ZFHX3: variants seen among roughly 807,000 people sequenced by gnomAD.
ZFHX3 encodes the protein zinc finger homeobox protein 3.
A neutral mutation model predicts 279.1 loss-of-function variants in ZFHX3; 42 were observed. The observed-to-expected ratio is 0.15, with a 90% CI of 0.12 to 0.19. ZFHX3 has a LOEUF of 0.19. Ranked by LOEUF, ZFHX3 falls within the 10% of genes least tolerant of loss-of-function variation. The pLI, the probability that ZFHX3 is intolerant of heterozygous loss-of-function variation, is 1.00. For missense variants in ZFHX3, 4,981 were observed against 4,754.0 expected (o/e 1.05, Z -1.40); for synonymous variants, 2,293 against 1,957.8 (o/e 1.17, Z -4.52).
intron 2 of ZFHX3, among the ~76,000 whole-genome samples, chr16:73,530,357 C>A (rs2019776996): frequency 6.6e-6 from 1 of 152,104 alleles, no homozygotes; most frequent in African/African-American, 2.4e-5. Context: ...GGGGACACAG[C>A]CAAACAATAT....
intron 5 of ZFHX3, among the ~76,000 whole-genome samples, chr16:73,234,720 C>T (rs1244050284): frequency 2.0e-5 from 3 of 152,204 alleles, no homozygotes; most frequent in South Asian, 4.1e-4. Context: ...ATCTTCCTAA[C>T]TGTAAAAGAG....
intron 3 of ZFHX3, among the ~76,000 whole-genome samples, chr16:73,376,056 T>C (rs775840912): frequency 6.6e-6 from 1 of 152,230 alleles, no homozygotes; most frequent in Non-Finnish European, 1.5e-5. Flanking sequence ...TTCAGAGAAG[T>C]CTATCTCCTT....
intron 1 of ZFHX3, among the ~76,000 whole-genome samples, chr16:73,865,084 A>G (rs1961977032): frequency 6.6e-6 from 1 of 152,220 alleles, no homozygotes; most frequent in African/African-American, 2.4e-5. Flanking sequence ...AGATGACATG[A>G]AAGACAGACC....
chr16:72,938,322 A>G (rs1205855131), intron 3 of ZFHX3, among the ~76,000 whole-genome samples: 2 of 152,296 alleles, frequency 1.3e-5, no homozygotes, highest in Non-Finnish European at 2.9e-5. Context: ...CAAATCACAC[A>G]GAAATGAGCA....
chr16:73,824,506 G>A (rs865846681), intron 1 of ZFHX3, among the ~76,000 whole-genome samples: 9 of 114,062 alleles, frequency 7.9e-5, no homozygotes, highest in Non-Finnish European at 1.6e-4. Context: ...ACCCACTAAC[G>A]TGTCATCTAG....
At chr16:73,262,997 G>A (rs1037649236) in intron 4 of ZFHX3, among the ~76,000 whole-genome samples, 3 of 152,104 alleles carry the variant, frequency 2.0e-5, no homozygotes, top group African/African-American at 4.8e-5. Flanking sequence ...GAAACCCACC[G>A]AGTTGGTTCA....
In ZFHX3 at chr16:72,787,953, C is replaced by T; in HGVS notation, c.10323G>A (p.Glu3441=). 1 of 1,613,710 alleles carries T rather than the reference C, an allele frequency of 6.2e-7. No homozygotes were observed. Among genetic ancestry groups the T allele is most frequent in the Non-Finnish European group, 8.5e-7 (1 of 1,179,990 alleles). Residue 3441 remains glutamate (E), a synonymous_variant, in exon 10 of 10, where the codon GAG becomes GAA. Coordinates refer to ENST00000268489, the MANE Select transcript of ZFHX3 (RefSeq NM_006885.4). The part of the protein sequence containing the change: ...VSPLLPKLPE[E]PEAESKSADS... ...CCGCACTTTTGCTTTCTGCTTCTGG[C>T]TCTTCAGGGAGTTTCGGCAGGAGGG...
At chr16:73,474,414 G>T (rs113236156) in intron 2 of ZFHX3, among the ~76,000 whole-genome samples, 5,129 of 152,258 alleles carry the variant, frequency 0.034, 117 homozygotes, top group African/African-American at 0.065. Context: ...CTCCCAAAGT[G>T]CTGGGATTAC....
chr16:73,276,440 T>C (rs1303721775), intron 4 of ZFHX3, among the ~76,000 whole-genome samples: 1 of 152,134 alleles, frequency 6.6e-6, no homozygotes, highest in Non-Finnish European at 1.5e-5. Context: ...TGCCTTGGCC[T>C]CTCAAAGTGC....
intron 1 of ZFHX3, among the ~76,000 whole-genome samples, chr16:73,758,114 C>T (rs750284590): frequency 1.3e-5 from 2 of 152,184 alleles, no homozygotes; most frequent in Non-Finnish European, 2.9e-5. Context: ...TCTCAAATGC[C>T]TCTGAAATAA....
intron 5 of ZFHX3, among the ~76,000 whole-genome samples, chr16:73,182,972 A>T (rs1967830450): frequency 6.6e-6 from 1 of 152,194 alleles, no homozygotes. Flanking sequence ...TGGAAGGCCG[A>T]GGTGGGTGGA....
chr16:72,903,349 A>T (rs1429597042), intron 3 of ZFHX3, among the ~76,000 whole-genome samples: 2 of 152,006 alleles, frequency 1.3e-5, no homozygotes, highest in Non-Finnish European at 2.9e-5. Context: ...ATCGACAGAA[A>T]CTCTAGGGAT....
chr16:73,516,057 C>T (rs1287541716), intron 2 of ZFHX3, among the ~76,000 whole-genome samples: 7 of 152,222 alleles, frequency 4.6e-5, no homozygotes, highest in Admixed American at 1.3e-4. Context: ...GCACCTCTGT[C>T]GCTAACTCTT....
chr16:73,483,950 T>A (rs1265323230), intron 2 of ZFHX3, among the ~76,000 whole-genome samples: 4 of 106,728 alleles, frequency 3.7e-5, no homozygotes, highest in Middle Eastern at 4.6e-3. Flanking sequence ...TTTTTTTTTT[T>A]AATTTCTGCA....
At chr16:73,052,286 A>G (rs1020274662), upstream of ZFHX3, among the ~76,000 whole-genome samples, 1 of 152,098 alleles carries the variant, frequency 6.6e-6, no homozygotes, top group African/African-American at 2.4e-5. Flanking sequence ...ACGTGAGTTA[A>G]AACGATCCAT....
chr16:73,823,656 A>G (rs1272590210), intron 1 of ZFHX3, among the ~76,000 whole-genome samples: 1 of 148,174 alleles, frequency 6.7e-6, no homozygotes, highest in South Asian at 2.1e-4. Context: ...CTTTGGCGCT[A>G]CAATGGCAGA....
Position 73,665,081 on chromosome 16 carries a change from G to A in ZFHX3, c.-1547+15099C>T, listed in dbSNP as rs950163476. Among the ~76,000 whole-genome samples, 14 of 152,266 alleles carry A rather than the reference G, an allele frequency of 9.2e-5. No homozygotes were observed. The South Asian group carries it at 2.7e-3, about 29-fold the overall frequency. Reference sequence around the variant, plus strand: ...GAGCACTATTGTCCCTGCTCTCACGGAGTTTACAGTCTAATGTAGAGGATG... The same window carrying A: ...GAGCACTATTGTCCCTGCTCTCACGAAGTTTACAGTCTAATGTAGAGGATG... On this transcript the variant is annotated intron_variant, in intron 2 of 17. Transcript: ENST00000641206.
chr16:73,131,751 G>A (rs1966687061), intron 6 of ZFHX3, among the ~76,000 whole-genome samples: 1 of 152,166 alleles, frequency 6.6e-6, no homozygotes, highest in African/African-American at 2.4e-5. Context: ...CACTGGATCC[G>A]AGTCCTAAAA....
intron 5 of ZFHX3, among the ~76,000 whole-genome samples, chr16:73,213,173 G>C (rs893804100): frequency 2.0e-5 from 3 of 152,176 alleles, no homozygotes; most frequent in Non-Finnish European, 4.4e-5. Context: ...ATCTGGAAAG[G>C]CCTGAGGGAT....
Sources: allele counts gnomAD v4.1 joint callset (sites outside exome capture counted in the v4.1 genomes callset), GRCh38; gene constraint gnomAD v4.1.1; transcripts MANE v1.5; gene names NCBI Gene and HGNC (gene_info 2026-07-23, HGNC 2026-07-21).